Variants in PIWIL1 observed in about 807,000 individuals in gnomAD.
The protein encoded by PIWIL1 is piwi-like protein 1.
PIWIL1 carries 73 observed loss-of-function variants against 114.4 expected under a neutral mutation model. That is an observed-to-expected ratio of 0.64 (90% CI 0.53 to 0.78). PIWIL1 has a LOEUF of 0.78. Among genes scored for constraint, PIWIL1 ranks in the 30% least tolerant of loss-of-function variants. The probability of loss-of-function intolerance (pLI) is 0.00; values close to 1 mark genes in which losing one functional copy is unlikely to be tolerated. For synonymous variants in PIWIL1, 375 were observed against 369.0 expected (o/e 1.02, Z -0.19); for missense variants, 723 against 1,063.1 (o/e 0.68, Z 4.45).
the PIWIL1 span, among the ~76,000 whole-genome samples, chr12:130,414,982 G>T: frequency 2.0e-5 from 3 of 152,268 alleles, no homozygotes; most frequent in Admixed American, 2.0e-4. Context: ...ATACAAAGAA[G>T]AGCTGGTACC....
At chr12:130,354,807 C>A in intron 10 of PIWIL1, 81 bp from the exon 11 acceptor site, 1 of 1,374,412 alleles carries the variant, frequency 7.3e-7, no homozygotes, top group Non-Finnish European at 1.0e-6. Context: ...GGAATTCCCA[C>A]TCACCATCAC....
chr12:130,340,646 T>TGGGGGGGGGGGGGGGGGGGGGGGGGG (rs143005039), intron 1 of PIWIL1, among the ~76,000 whole-genome samples: 1 of 72,806 alleles, frequency 1.4e-5, no homozygotes, highest in African/African-American at 6.0e-5. Flanking sequence ...GGAGGGGGGG[T>TGGGGGGGGGGGGGGGGGGGGGGGGGG]GGGGGGAGGG....
At chr12:130,342,155 CGTGT>C (rs56124149) in intron 1 of PIWIL1, 4,810 of 134,836 alleles carry the variant, frequency 0.036, 83 homozygotes, top group Middle Eastern at 0.053. Context: ...TGCCTGTTTC[CGTGT>C]GTGTGTGTGT....
chr12:130,389,917 G>C, the PIWIL1 span, among the ~76,000 whole-genome samples: 1 of 152,082 alleles, frequency 6.6e-6, no homozygotes, highest in Non-Finnish European at 1.5e-5. Flanking sequence ...TCTCTCTATA[G>C]CTGATACACG....
At chr12:130,401,934 A>T in the PIWIL1 span, among the ~76,000 whole-genome samples, 3 of 152,110 alleles carry the variant, frequency 2.0e-5, no homozygotes, top group Non-Finnish European at 4.4e-5. Context: ...ACACCACAAG[A>T]GGCGTGTGTA....
the PIWIL1 span, among the ~76,000 whole-genome samples, chr12:130,417,881 C>A: frequency 6.6e-6 from 1 of 151,668 alleles, no homozygotes; most frequent in African/African-American, 2.4e-5. Context: ...GGAGAGGGAA[C>A]TGACAGATAA....
At chr12:130,342,230 T>C (rs1313316100) in intron 1 of PIWIL1, 2 of 299,092 alleles carry the variant, frequency 6.7e-6, no homozygotes, top group African/African-American at 4.3e-5. Context: ...TGTACATGTG[T>C]ATCTCCAAAT....
the PIWIL1 span, chr12:130,407,747 G>A: frequency 2.5e-6 from 4 of 1,614,070 alleles, no homozygotes; most frequent in Admixed American, 3.3e-5. Flanking sequence ...CGTTGGGCGA[G>A]CTTTCTCTGG....
chr12:130,346,715 G>GTACGT (rs1221780925), intron 5 of PIWIL1, 131 bp downstream of exon 5: 6 of 862,876 alleles, frequency 7.0e-6, no homozygotes, highest in African/African-American at 5.1e-5. Context: ...AAACACATAG[G>GTACGT]GTACTTTGGC....
At position 130,361,553 on chromosome 12, in the gene PIWIL1, G is replaced by A. The variant is rs754053005; in HGVS notation, c.1922G>A (p.Arg641Gln). ...IDCYHDMTAG[R>Q]RSIAGFVASI... ...TGTTACCATGACATGACAGCTGGGCGGAGGTCAATCGCAGGATTTGTTGCC... is the reference window on the plus strand; with the variant it reads ...TGTTACCATGACATGACAGCTGGGCAGAGGTCAATCGCAGGATTTGTTGCC... Residue 641 changes from arginine (R) to glutamine (Q), a missense_variant, in exon 16 of 21, where the codon CGG becomes CAG. Arg to Gln is a conservative substitution (Grantham distance 43). Coordinates refer to ENST00000245255, the MANE Select transcript of PIWIL1 (RefSeq NM_004764.5). The A allele has an allele frequency of 1.5e-5, 24 of 1,614,066 alleles. No individual in the cohort carries two copies. Among genetic ancestry groups the A allele is most frequent in the Middle Eastern group, 1.6e-4 (1 of 6,084 alleles).
the PIWIL1 span, among the ~76,000 whole-genome samples, chr12:130,421,565 G>A: frequency 6.6e-6 from 1 of 152,194 alleles, no homozygotes; most frequent in African/African-American, 2.4e-5. Context: ...ATTTCAACGA[G>A]ATTCCAGGTG....
chr12:130,393,477 A>C, the PIWIL1 span, among the ~76,000 whole-genome samples: 6 of 110,034 alleles, frequency 5.5e-5, no homozygotes, highest in Non-Finnish European at 6.0e-5. Context: ...TCCGTCAGTT[A>C]CCTGGTGAAT....
At chr12:130,370,344 C>T (rs1204705211) in intron 19 of PIWIL1, among the ~76,000 whole-genome samples, 2 of 151,776 alleles carry the variant, frequency 1.3e-5, no homozygotes, top group African/African-American at 4.8e-5. Flanking sequence ...AACCTCGGAT[C>T]AAAAATACTT....
intron 9 of PIWIL1, among the ~76,000 whole-genome samples, chr12:130,351,957 C>A (rs556288689): frequency 1.3e-5 from 2 of 152,256 alleles, no homozygotes; most frequent in South Asian, 4.2e-4. Context: ...CTCCATGAGA[C>A]CCTGCTTGCT....
At chr12:130,415,885 CA>C in the PIWIL1 span, among the ~76,000 whole-genome samples, 1 of 152,248 alleles carries the variant, frequency 6.6e-6, no homozygotes, top group Admixed American at 6.5e-5. Context: ...GTATAAAAAT[CA>C]GTAGCATTTC....
the PIWIL1 span, among the ~76,000 whole-genome samples, chr12:130,409,378 T>C: frequency 7.5e-6 from 1 of 134,056 alleles, no homozygotes; most frequent in African/African-American, 2.7e-5. Context: ...ACTCTCGCTC[T>C]GTCGCCCAGG....
chr12:130,349,492 T>A, intron 8 of PIWIL1, 56 bp downstream of exon 8: 4 of 1,152,184 alleles, frequency 3.5e-6, no homozygotes, highest in Non-Finnish European at 5.1e-6. Context: ...GTATTGTGGC[T>A]TTCTAGTTCT....
At chr12:130,339,297 G>A (rs1030418018) in intron 1 of PIWIL1, among the ~76,000 whole-genome samples, 1 of 152,190 alleles carries the variant, frequency 6.6e-6, no homozygotes, top group African/African-American at 2.4e-5. Flanking sequence ...TGCTCTCGCC[G>A]TCTTCAGCCC....
At chr12:130,410,402 A>G in the PIWIL1 span, among the ~76,000 whole-genome samples, 1 of 152,140 alleles carries the variant, frequency 6.6e-6, no homozygotes, top group African/African-American at 2.4e-5. Flanking sequence ...TTTTCCTTTT[A>G]TGTATCATGT....
Sources: gnomAD v4.1 joint callset for allele counts (sites outside exome capture counted in the v4.1 genomes callset) on GRCh38, gnomAD v4.1.1 for gene constraint, MANE v1.5 for transcripts, NCBI Gene and HGNC (gene_info 2026-07-23, HGNC 2026-07-21) for gene names.